Variants in LAPTM4B observed in about 807,000 individuals in gnomAD.
LAPTM4B encodes lysosomal protein transmembrane 4 beta.
A neutral mutation model predicts 28.5 loss-of-function variants in LAPTM4B; 26 were observed. The ratio of observed to expected loss-of-function variants is 0.91; its 90% confidence interval spans 0.67 to 1.27. The LOEUF is 1.27. Among genes scored for constraint, LAPTM4B ranks in the 50% most tolerant of loss-of-function variants. LAPTM4B has a pLI of 0.00. For missense variants in LAPTM4B, 288 were observed against 285.8 expected, an observed-to-expected ratio of 1.01 and a Z score of -0.06; for synonymous variants, 109 against 106.4, an observed-to-expected ratio of 1.02 and a Z score of -0.15.
At chr8:97,811,809 T>G (rs557498473) in intron 2 of LAPTM4B, among the ~76,000 whole-genome samples, 2 of 152,202 alleles carry the variant, frequency 1.3e-5, no homozygotes, top group South Asian at 4.2e-4. Context: ...TCTTTACTTT[T>G]GTATTTTATT....
intron 1 of LAPTM4B, among the ~76,000 whole-genome samples, chr8:97,776,842 G>A (rs1414245004): frequency 6.6e-6 from 1 of 152,096 alleles, no homozygotes; most frequent in Non-Finnish European, 1.5e-5. Context: ...GACTCAGCGG[G>A]CAAATCTGGC....
intron 6 of LAPTM4B, among the ~76,000 whole-genome samples, chr8:97,849,487 C>T (rs1817484130): frequency 6.6e-6 from 1 of 152,210 alleles, no homozygotes; most frequent in Admixed American, 6.5e-5. Context: ...CTACTCCATT[C>T]CTTTTCCACG....
At chr8:97,821,730 A>C (rs1817006565) in intron 5 of LAPTM4B, among the ~76,000 whole-genome samples, 1 of 152,114 alleles carries the variant, frequency 6.6e-6, no homozygotes. Context: ...TATATTCCAC[A>C]GGCTACAAGG....
chr8:97,785,672 T>C (rs567938155), intron 1 of LAPTM4B, among the ~76,000 whole-genome samples: 1 of 152,286 alleles, frequency 6.6e-6, no homozygotes, highest in East Asian at 1.9e-4. Context: ...TGATACAAAG[T>C]TGTTTGTCAG....
At chr8:97,811,944 C>T (rs994292427) in intron 2 of LAPTM4B, among the ~76,000 whole-genome samples, 2 of 151,546 alleles carry the variant, frequency 1.3e-5, no homozygotes, top group African/African-American at 4.9e-5. Flanking sequence ...TAGCTGGGAC[C>T]ATAGGTGCGT....
chr8:97,850,772 C>G (rs1008012437), intron 6 of LAPTM4B, among the ~76,000 whole-genome samples: 1 of 145,098 alleles, frequency 6.9e-6, no homozygotes, highest in Non-Finnish European at 1.5e-5. Context: ...CTCACAATGA[C>G]TATTACATAC....
At chr8:97,793,423 G>C (rs1816534146) in intron 1 of LAPTM4B, among the ~76,000 whole-genome samples, 1 of 152,102 alleles carries the variant, frequency 6.6e-6, no homozygotes, top group Non-Finnish European at 1.5e-5. Context: ...TGAGGCTGAA[G>C]CAAATCTGAG....
intron 1 of LAPTM4B, among the ~76,000 whole-genome samples, chr8:97,800,115 G>A (rs962622612): frequency 6.6e-6 from 1 of 152,082 alleles, no homozygotes; most frequent in African/African-American, 2.4e-5. Flanking sequence ...TTAACTTCAT[G>A]TTCTGAGTCC....
rs935873222 is a variant in LAPTM4B at position 97,782,588 on chromosome 8, G to A, written c.99+6480G>A. 6.7e-4 allele frequency among the ~76,000 whole-genome samples: 101 copies of A among 151,156 alleles called. 2 individuals are homozygous for A. Among genetic ancestry groups the A allele is most frequent in the African/African-American group, 2.3e-3 (93 of 41,164 alleles). ...TGAGTAGCTGGTACTACAGGCATGC[G>A]CCACCATCCCTGGCTAATTTTTTAT... On this transcript the variant is annotated intron_variant, in intron 1 of 6. Transcript: ENST00000521545.
chr8:97,851,316 T>C, intron 6 of LAPTM4B, 81 bp from the exon 7 acceptor site: 1 of 1,156,488 alleles, frequency 8.6e-7, no homozygotes, highest in Non-Finnish European at 1.3e-6. Context: ...TTTAGTTGCA[T>C]AAAAGTTCAG....
chr8:97,828,268 G>C (rs1817124535), intron 6 of LAPTM4B, among the ~76,000 whole-genome samples: 2 of 152,200 alleles, frequency 1.3e-5, no homozygotes, highest in South Asian at 4.1e-4. Context: ...ATTAGGGGTG[G>C]CGTGGGTACC....
At chr8:97,833,762 T>A (rs564718315) in intron 6 of LAPTM4B, among the ~76,000 whole-genome samples, 3 of 152,218 alleles carry the variant, frequency 2.0e-5, no homozygotes, top group Non-Finnish European at 4.4e-5. Flanking sequence ...TGGTTAACCA[T>A]CTTTTTGGAA....
chr8:97,784,115 T>C (rs562308558), intron 1 of LAPTM4B, among the ~76,000 whole-genome samples: 3 of 152,298 alleles, frequency 2.0e-5, no homozygotes, highest in South Asian at 2.1e-4. Flanking sequence ...TAGCTTTCGG[T>C]GGGCATTCAC....
At chr8:97,807,994 TG>T (rs1222161166) in intron 2 of LAPTM4B, among the ~76,000 whole-genome samples, 1 of 151,980 alleles carries the variant, frequency 6.6e-6, no homozygotes, top group Non-Finnish European at 1.5e-5. Context: ...CTAATTTTTG[TG>T]TTTTTTGTAG....
At chr8:97,825,702 T>C (rs1333993267) in intron 6 of LAPTM4B, among the ~76,000 whole-genome samples, 1 of 152,256 alleles carries the variant, frequency 6.6e-6, no homozygotes, top group Non-Finnish European at 1.5e-5. Context: ...TTTGAAAACA[T>C]GTCTTCACTG....
chr8:97,821,572 T>C (rs1042911838), intron 5 of LAPTM4B, among the ~76,000 whole-genome samples: 1 of 149,218 alleles, frequency 6.7e-6, no homozygotes, highest in Non-Finnish European at 1.5e-5. Flanking sequence ...GACGTGAGGA[T>C]AGAAAGGTAG....
At position 97,797,624 on chromosome 8, in the gene LAPTM4B, A is replaced by T. The variant is rs113000234; in HGVS notation, c.100-7729A>T. ...ATAAGTCTGCAGTGATCATTTTTGG[A>T]TACAACCTGTGTAAATTTCTGATCG... On this transcript the variant is annotated intron_variant, in intron 1 of 6. Coordinates refer to ENST00000521545, the MANE Select transcript of LAPTM4B (RefSeq NM_018407.6). 7.7e-3 allele frequency among the ~76,000 whole-genome samples: 1,179 copies of T among 152,298 alleles called. 17 individuals carry two copies. The highest frequency in any genetic ancestry group is 0.026 in the African/African-American group (1,090 of 41,556).
chr8:97,806,873 C>A (rs542840585), intron 2 of LAPTM4B, among the ~76,000 whole-genome samples: 15 of 152,250 alleles, frequency 9.9e-5, no homozygotes, highest in African/African-American at 3.4e-4. Flanking sequence ...AGGAGAATTG[C>A]TTGAACCCCA....
intron 6 of LAPTM4B, among the ~76,000 whole-genome samples, chr8:97,850,041 C>T (rs970725794): frequency 1.3e-5 from 2 of 151,908 alleles, no homozygotes; most frequent in African/African-American, 4.9e-5. Flanking sequence ...GCTTCAGCCA[C>T]ACCCTCCCTA....
Sources: allele counts gnomAD v4.1 joint callset (sites outside exome capture counted in the v4.1 genomes callset), GRCh38; gene constraint gnomAD v4.1.1; transcripts MANE v1.5; gene names NCBI Gene and HGNC (gene_info 2026-07-23, HGNC 2026-07-21).